The following ZNF827 variants were observed in gnomAD, a reference collection of about 807,000 sequenced individuals.
The protein encoded by ZNF827 is zinc finger protein 827.
Under a neutral mutation model 102.4 loss-of-function variants are expected in ZNF827, and 13 were observed. That is an observed-to-expected ratio of 0.13 (90% CI 0.08 to 0.20). The LOEUF (loss-of-function observed/expected upper bound fraction) is 0.20. Ranked by LOEUF, ZNF827 falls within the 10% of genes least tolerant of loss-of-function variation. ZNF827 has a pLI of 1.00. For missense variants in ZNF827, 1,103 were observed against 1,344.4 expected, an observed-to-expected ratio of 0.82 and a Z score of 2.81; for synonymous variants, 523 against 536.2, an observed-to-expected ratio of 0.98 and a Z score of 0.34.
At chr4:145,870,167 T>C in intron 5 of ZNF827, 78 bp downstream of exon 5, 2 of 1,393,748 alleles carry the variant, frequency 1.4e-6, no homozygotes, top group Non-Finnish European at 2.0e-6. Context: ...GGGTTAATTA[T>C]AACCCATGCA....
intron 8 of ZNF827, among the ~76,000 whole-genome samples, chr4:145,822,981 T>A (rs1056821815): frequency 6.6e-6 from 1 of 152,198 alleles, no homozygotes; most frequent in South Asian, 2.1e-4. Flanking sequence ...CAGTGAGCTG[T>A]CTCGTTTCCA....
chr4:145,907,203 T>C, intron 1 of ZNF827: 1 of 456,544 alleles, frequency 2.2e-6, no homozygotes, highest in Non-Finnish European at 4.4e-6. Context: ...TCCCACTTTT[T>C]TTTTCTTCTT....
chr4:145,900,712 A>C (rs1751346234), intron 2 of ZNF827, among the ~76,000 whole-genome samples: 1 of 152,086 alleles, frequency 6.6e-6, no homozygotes, highest in East Asian at 1.9e-4. Context: ...GCCCGGCCTA[A>C]AATTTTATTT....
chr4:145,874,678 A>G (rs1465004940), intron 4 of ZNF827, among the ~76,000 whole-genome samples: 3 of 152,230 alleles, frequency 2.0e-5, no homozygotes, highest in African/African-American at 7.2e-5. Flanking sequence ...TCTTCACTTT[A>G]TTCCTACTAC....
intron 1 of ZNF827, among the ~76,000 whole-genome samples, chr4:145,936,610 G>T (rs890205003): frequency 6.6e-6 from 1 of 152,120 alleles, no homozygotes; most frequent in Admixed American, 6.5e-5. Context: ...AGGCGCGGGG[G>T]CGCCTGGCCC....
chr4:145,868,148 T>C (rs1389540015), intron 5 of ZNF827, among the ~76,000 whole-genome samples: 1 of 152,230 alleles, frequency 6.6e-6, no homozygotes, highest in African/African-American at 2.4e-5. Context: ...TTAAGTCACA[T>C]GCCTATTGTT....
chr4:145,827,545 C>T (rs888036728), intron 7 of ZNF827, among the ~76,000 whole-genome samples: 1 of 152,196 alleles, frequency 6.6e-6, no homozygotes, highest in African/African-American at 2.4e-5. Flanking sequence ...GCAAGCCTGT[C>T]TCTGCTATTA....
chr4:145,761,296 T>G lies in ZNF827; in HGVS notation c.*320A>C. On this transcript the variant is annotated 3_prime_UTR_variant, in exon 15 of 15. Transcript: ENST00000508784. The surrounding 1 kb of genome is among the most constrained non-coding windows in gnomAD (Gnocchi z 6.8). ...CTGGCGTGGGGCGTGCTTCAGCTTC[T>G]TGTGCAGGTTGAGATTGTCCTTGCG... is the stretch of plus-strand genomic sequence containing the variant. 1.6e-6 allele frequency: 2 copies of G among 1,289,910 alleles called. No homozygotes were observed. The highest frequency in any genetic ancestry group is 2.0e-6 in the Non-Finnish European group (2 of 988,888). 79.9% of individuals were successfully genotyped at this position (1,289,910 alleles called of 1,614,324 possible). A position where few individuals can be genotyped will look rare whatever the true frequency, so the allele number is the denominator to read the frequency against.
intron 5 of ZNF827, among the ~76,000 whole-genome samples, chr4:145,852,586 G>GT (rs1383988349): frequency 4.5e-4 from 69 of 151,764 alleles, no homozygotes; most frequent in Middle Eastern, 3.4e-3. Context: ...ATTGCCAAGT[G>GT]TTTTTTTTGG....
At chr4:145,855,429 T>A (rs186223047) in intron 5 of ZNF827, among the ~76,000 whole-genome samples, 3 of 152,320 alleles carry the variant, frequency 2.0e-5, no homozygotes, top group African/African-American at 7.2e-5. Context: ...TTAGGATTGA[T>A]CATTACTTAA....
intron 1 of ZNF827, among the ~76,000 whole-genome samples, chr4:145,931,822 T>C (rs374013380): frequency 5.9e-5 from 9 of 152,356 alleles, no homozygotes; most frequent in African/African-American, 1.7e-4. Flanking sequence ...GATGGCACTG[T>C]TGACCAGCCA....
intron 7 of ZNF827, among the ~76,000 whole-genome samples, chr4:145,826,000 A>G (rs1422754340): frequency 6.6e-6 from 1 of 152,242 alleles, no homozygotes; most frequent in Non-Finnish European, 1.5e-5. Context: ...TTCAGAAGGC[A>G]AGGCAGCTTA....
At chr4:145,764,447 C>T (rs992207035) in intron 13 of ZNF827, among the ~76,000 whole-genome samples, 13 of 152,290 alleles carry the variant, frequency 8.5e-5, no homozygotes, top group Admixed American at 5.2e-4. Context: ...TGCTCGTTGT[C>T]TAGATCTTGG....
At chr4:145,813,807 G>A (rs1742294503) in intron 8 of ZNF827, among the ~76,000 whole-genome samples, 1 of 152,202 alleles carries the variant, frequency 6.6e-6, no homozygotes, top group South Asian at 2.1e-4. Flanking sequence ...ATTTGAGGGG[G>A]TGACACTGGA....
Position 145,789,394 on chromosome 4 carries a change from T to G in ZNF827, c.2384-9883A>C, listed in dbSNP as rs190696873. Reference sequence around the variant, plus strand: ...AAACAATATCAGAGTTTGTTAAAAGTATATTAAGGAGACAGTACATAATTA... The same window carrying G: ...AAACAATATCAGAGTTTGTTAAAAGGATATTAAGGAGACAGTACATAATTA... On this transcript the variant is annotated intron_variant, in intron 8 of 14. Coordinates refer to ENST00000508784, the MANE Select transcript of ZNF827 (RefSeq NM_001306215.2). 1.6e-3 allele frequency among the ~76,000 whole-genome samples: 240 copies of G among 152,340 alleles called. 1 individual carries two copies. The highest frequency in any genetic ancestry group is 5.6e-3 in the African/African-American group (233 of 41,574).
At chr4:145,907,198 C>CT (rs754775092) in intron 1 of ZNF827, 20 of 454,702 alleles carry the variant, frequency 4.4e-5, no homozygotes, top group South Asian at 9.3e-5. Context: ...TTTTCTCCCA[C>CT]TTTTTTTTTC....
chr4:145,892,619 T>C (rs1329221023), intron 2 of ZNF827, among the ~76,000 whole-genome samples: 1 of 151,040 alleles, frequency 6.6e-6, no homozygotes, highest in African/African-American at 2.4e-5. Flanking sequence ...TACTTCCATC[T>C]GGGCTCCATT....
intron 1 of ZNF827, among the ~76,000 whole-genome samples, chr4:145,908,063 C>T (rs886751327): frequency 6.6e-6 from 1 of 152,150 alleles, no homozygotes; most frequent in African/African-American, 2.4e-5. Context: ...TTTCAACTCA[C>T]TTCCTTTTTG....
At chr4:145,822,803 G>A (rs1208010518) in intron 8 of ZNF827, among the ~76,000 whole-genome samples, 5 of 152,134 alleles carry the variant, frequency 3.3e-5, no homozygotes, top group Non-Finnish European at 7.3e-5. Context: ...TGTGGATAAG[G>A]AACAGTAAGC....
Sources: gnomAD v4.1 joint callset for allele counts (sites outside exome capture counted in the v4.1 genomes callset) on GRCh38, gnomAD v4.1.1 for gene constraint, Gnocchi (gnomAD v3.1) non-coding constraint, MANE v1.5 for transcripts, NCBI Gene and HGNC (gene_info 2026-07-23, HGNC 2026-07-21) for gene names.